C9orf153: variants seen among roughly 807,000 people sequenced by gnomAD.
The protein encoded by C9orf153 is chromosome 9 open reading frame 153, also known as uncharacterized protein C9orf153.
In C9orf153, 10 loss-of-function variants were observed where a neutral mutation model predicts 9.0. The ratio of observed to expected loss-of-function variants is 1.11; its 90% CI spans 0.69 to 1.89. The LOEUF (loss-of-function observed/expected upper bound fraction) is 1.89, where lower values mean the gene tolerates loss of function less well. Among genes scored for constraint, C9orf153 ranks in the 40% most tolerant of loss-of-function variants. The pLI is 0.00. For synonymous variants in C9orf153, 35 were observed against 37.3 expected (o/e 0.94, Z 0.23); for missense variants, 108 against 111.0 (o/e 0.97, Z 0.12).
intron 1 of C9orf153, among the ~76,000 whole-genome samples, chr9:86,243,440 G>T (rs1435545494): frequency 6.7e-6 from 1 of 149,610 alleles, no homozygotes; most frequent in Non-Finnish European, 1.5e-5. Flanking sequence ...TAAAACCCCT[G>T]AATTTTTTTT....
intron 1 of C9orf153, chr9:86,258,748 A>C (rs552972952): frequency 1.3e-5 from 2 of 152,326 alleles, no homozygotes; most frequent in East Asian, 3.9e-4. Context: ...AAAAATATTA[A>C]TATACTTAAA....
rs534439227 is a variant in C9orf153 at position 86,233,618 on chromosome 9, T to C, written c.-26-3989A>G. Among the ~76,000 whole-genome samples the C allele has an allele frequency of 2.6e-5, 4 of 152,208 alleles. 1 individual carries two copies. Among genetic ancestry groups the C allele is most frequent in the African/African-American group, 9.6e-5 (4 of 41,520 alleles). ...TTTTGGTAGAGTCGGGATTCTGCCA[T>C]GTTGGCCAGGCTGGTCTCAAACTCC... On this transcript the variant is annotated intron_variant, in intron 1 of 3. Transcript: ENST00000339137.
intron 1 of C9orf153, among the ~76,000 whole-genome samples, chr9:86,240,952 C>T (rs1824730387): frequency 6.6e-6 from 1 of 151,924 alleles, no homozygotes; most frequent in South Asian, 2.1e-4. Flanking sequence ...CATGACGCGT[C>T]CACCTCCGCC....
At chr9:86,232,056 C>G (rs1416849979) in intron 1 of C9orf153, among the ~76,000 whole-genome samples, 3 of 152,166 alleles carry the variant, frequency 2.0e-5, no homozygotes, top group Non-Finnish European at 4.4e-5. Flanking sequence ...CAATTTTAAT[C>G]AGCAGTGCCA....
intron 1 of C9orf153, among the ~76,000 whole-genome samples, chr9:86,248,435 G>GT (rs1192342258): frequency 6.6e-6 from 1 of 152,078 alleles, no homozygotes; most frequent in Non-Finnish European, 1.5e-5. Context: ...TGCCCAGCCT[G>GT]TTTTTTCTAC....
intron 1 of C9orf153, among the ~76,000 whole-genome samples, chr9:86,242,606 G>A (rs1398856604): frequency 1.3e-5 from 2 of 152,152 alleles, no homozygotes; most frequent in Non-Finnish European, 2.9e-5. Context: ...ATTTTATGTA[G>A]GAAAGAAAAT....
intron 1 of C9orf153, among the ~76,000 whole-genome samples, chr9:86,250,863 A>G (rs1564004127): frequency 6.6e-6 from 1 of 152,206 alleles, no homozygotes; most frequent in Non-Finnish European, 1.5e-5. Context: ...CGAATTGTGA[A>G]AAAGGCATAC....
chr9:86,254,525 T>C (rs1052553605), intron 1 of C9orf153, among the ~76,000 whole-genome samples: 1 of 152,208 alleles, frequency 6.6e-6, no homozygotes, highest in Admixed American at 6.5e-5. Flanking sequence ...TGATTTGAAC[T>C]ATAAACCAGA....
At chr9:86,245,275 A>G (rs960322112) in intron 1 of C9orf153, among the ~76,000 whole-genome samples, 2 of 152,180 alleles carry the variant, frequency 1.3e-5, no homozygotes, top group Non-Finnish European at 2.9e-5. Flanking sequence ...AAAACATATA[A>G]CAAAATTTAC....
chr9:86,243,550 C>T (rs1016293552), intron 1 of C9orf153, among the ~76,000 whole-genome samples: 6 of 150,826 alleles, frequency 4.0e-5, no homozygotes, highest in Non-Finnish European at 8.8e-5. Flanking sequence ...ACCGCAACCT[C>T]TGCCTCCCAG....
chr9:86,223,263 A>C (rs1291273396), intron 3 of C9orf153, among the ~76,000 whole-genome samples: 1 of 152,166 alleles, frequency 6.6e-6, no homozygotes, highest in East Asian at 1.9e-4. Flanking sequence ...TCGGCCTCCC[A>C]AAATGACCAG....
At position 86,221,484 on chromosome 9, in the gene C9orf153, A is replaced by G. The variant is rs1587792930; in HGVS notation, c.*204T>C. 2 of 1,290,202 alleles carry G rather than the reference A, an allele frequency of 1.6e-6. No individual in the cohort carries two copies. Among genetic ancestry groups the G allele is most frequent in the Non-Finnish European group, 9.8e-7 (1 of 1,015,446 alleles). The allele number at this position is 1,290,202 out of a possible 1,614,324, so 79.9% of individuals were successfully genotyped here. Reference sequence around the variant, plus strand: ...AAAAGCAAAAATCTACGTCCAAAATATTTTAATACACTACATATTCCATTT... The same window carrying G: ...AAAAGCAAAAATCTACGTCCAAAATGTTTTAATACACTACATATTCCATTT... On this transcript the variant is annotated 3_prime_UTR_variant, in exon 4 of 4. Coordinates refer to ENST00000339137, the MANE Select transcript of C9orf153 (RefSeq NM_001276366.4).
At chr9:86,221,896 T>C (rs1333266555) in intron 3 of C9orf153, among the ~76,000 whole-genome samples, 163 bp from the exon 4 acceptor site, 1 of 152,104 alleles carries the variant, frequency 6.6e-6, no homozygotes, top group Non-Finnish European at 1.5e-5. Flanking sequence ...ATTTATTTAT[T>C]TATTTTGAGA....
intron 1 of C9orf153, among the ~76,000 whole-genome samples, chr9:86,239,187 G>C (rs1824672960): frequency 1.3e-5 from 2 of 152,056 alleles, no homozygotes; most frequent in Admixed American, 1.3e-4. Flanking sequence ...CTTGAACCCG[G>C]GAGGCGGAGG....
intron 1 of C9orf153, among the ~76,000 whole-genome samples, chr9:86,250,275 C>A (rs1824966985): frequency 2.0e-5 from 3 of 152,114 alleles, no homozygotes. Flanking sequence ...AACTCAGGGA[C>A]AGGATTTGGA....
At chr9:86,251,919 A>ACACACACACACACACC (rs1825003463) in intron 1 of C9orf153, among the ~76,000 whole-genome samples, 1 of 150,358 alleles carries the variant, frequency 6.7e-6, no homozygotes, top group African/African-American at 2.5e-5. Context: ...TAAACTACAC[A>ACACACACACACACACC]CACACACACA....
chr9:86,256,496 A>T (rs2131211744), intron 1 of C9orf153, among the ~76,000 whole-genome samples: 1 of 152,368 alleles, frequency 6.6e-6, no homozygotes, highest in East Asian at 1.9e-4. Context: ...TCTTCGTGGA[A>T]AATGCTCAAC....
At chr9:86,246,657 T>G (rs1215168035) in intron 1 of C9orf153, among the ~76,000 whole-genome samples, 1 of 152,116 alleles carries the variant, frequency 6.6e-6, no homozygotes, top group African/African-American at 2.4e-5. Flanking sequence ...AAACAGGGTA[T>G]AAAATGTATA....
chr9:86,255,881 G>A (rs1825113356), intron 1 of C9orf153, among the ~76,000 whole-genome samples: 1 of 152,178 alleles, frequency 6.6e-6, no homozygotes, highest in Non-Finnish European at 1.5e-5. Flanking sequence ...GCCATAATAA[G>A]CTCATCTGGC....
Sources: gnomAD v4.1 joint callset for allele counts (sites outside exome capture counted in the v4.1 genomes callset) on GRCh38, gnomAD v4.1.1 for gene constraint, MANE v1.5 for transcripts, NCBI Gene and HGNC (gene_info 2026-07-23, HGNC 2026-07-21) for gene names.